The following PDGFC variants were observed in gnomAD, a reference collection of about 807,000 sequenced individuals.
The protein encoded by PDGFC is platelet derived growth factor C, also known as platelet-derived growth factor C.
Under a neutral mutation model 35.5 loss-of-function variants are expected in PDGFC, and 12 were observed. The ratio of observed to expected loss-of-function variants is 0.34; its 90% confidence interval spans 0.22 to 0.55. The LOEUF (loss-of-function observed/expected upper bound fraction) is 0.55. PDGFC is among the 20% of genes least tolerant of loss of function. PDGFC has a pLI of 0.91. For synonymous variants in PDGFC, 159 were observed against 148.8 expected (o/e 1.07, Z -0.50); for missense variants, 322 against 412.4 (o/e 0.78, Z 1.90).
intron 1 of PDGFC, among the ~76,000 whole-genome samples, chr4:156,911,526 CTTA>C (rs1731040451): frequency 6.6e-6 from 1 of 151,970 alleles, no homozygotes; most frequent in African/African-American, 2.4e-5. Flanking sequence ...TTGTGCAGGG[CTTA>C]TTATATATAC....
At chr4:156,788,663 G>C (rs1292752084) in intron 3 of PDGFC, among the ~76,000 whole-genome samples, 2 of 152,194 alleles carry the variant, frequency 1.3e-5, no homozygotes, top group Admixed American at 6.5e-5. Flanking sequence ...TTCAGTGTAA[G>C]CAGTAGAGTT....
In PDGFC at chr4:156,811,021, C is replaced by A; in HGVS notation, c.315-4G>T. 3.2e-6 allele frequency: 5 copies of A among 1,545,724 alleles called. No individual in the cohort carries two copies. Among genetic ancestry groups the A allele is most frequent in the Non-Finnish European group, 4.4e-6 (5 of 1,144,810 alleles). ...CTCAACTTCTACAAAATCATACCTG[C>A]AAAAAGACAAAGGGAAAGAGACATC... On this transcript the variant is annotated splice_region_variant and splice_polypyrimidine_tract_variant and intron_variant, in intron 2 of 5. Coordinates refer to ENST00000502773, the MANE Select transcript of PDGFC (RefSeq NM_016205.3).
Position 156,829,704 on chromosome 4 carries a change from T to C in PDGFC, c.315-18687A>G, listed in dbSNP as rs1280130585. Among the ~76,000 whole-genome samples, 6 of 152,236 alleles carry C rather than the reference T, an allele frequency of 3.9e-5. No individual in the cohort carries two copies. In the South Asian group the frequency reaches 1.2e-3, roughly 32 times the overall value. ...ACTTCATTTCCTCTTTTGTTACAGA[T>C]GTTATTTCTTAGATTTTTCTCTCCT... On this transcript the variant is annotated intron_variant, in intron 2 of 5. Coordinates refer to ENST00000502773, the MANE Select transcript of PDGFC (RefSeq NM_016205.3).
At chr4:156,872,795 A>G (rs1730017259) in intron 1 of PDGFC, among the ~76,000 whole-genome samples, 1 of 152,180 alleles carries the variant, frequency 6.6e-6, no homozygotes, top group Non-Finnish European at 1.5e-5. Flanking sequence ...GGAAATTAAA[A>G]ATTTATTTGT....
At chr4:156,908,878 A>G (rs1465334420) in intron 1 of PDGFC, among the ~76,000 whole-genome samples, 1 of 152,192 alleles carries the variant, frequency 6.6e-6, no homozygotes, top group East Asian at 1.9e-4. Context: ...TGGCATATGT[A>G]TACAAGAAAC....
At chr4:156,968,214 A>G (rs1305312516) in intron 1 of PDGFC, among the ~76,000 whole-genome samples, 1 of 152,218 alleles carries the variant, frequency 6.6e-6, no homozygotes, top group East Asian at 1.9e-4. Flanking sequence ...TAGGGACTTT[A>G]GAATACTCAA....
Position 156,970,994 on chromosome 4 carries a change from A to G in PDGFC, c.-91T>C. On this transcript the variant is annotated 5_prime_UTR_variant, in exon 1 of 6. Transcript: ENST00000502773. ...TTCACCACCGCCAGGGGAAGGCTGC[A>G]CTGGGGTGGAAGCGCCGAGCCTGCT... 1 of 796,970 alleles carries G rather than the reference A, an allele frequency of 1.3e-6. No individual in the cohort carries two copies. The highest frequency in any genetic ancestry group is 2.5e-5 in the East Asian group (1 of 40,274). The allele number at this position is 796,970 out of a possible 1,614,324, so 49.4% of individuals were successfully genotyped here.
At chr4:156,834,885 T>A (rs1341194943) in intron 2 of PDGFC, among the ~76,000 whole-genome samples, 2 of 152,088 alleles carry the variant, frequency 1.3e-5, no homozygotes, top group African/African-American at 4.8e-5. Context: ...ATGAGCAATT[T>A]TTCATGGTCT....
At chr4:156,833,024 T>C (rs1357473532) in intron 2 of PDGFC, among the ~76,000 whole-genome samples, 1 of 152,198 alleles carries the variant, frequency 6.6e-6, no homozygotes, top group Non-Finnish European at 1.5e-5. Flanking sequence ...TGAAATCAGA[T>C]TTTGAGTCAT....
intron 2 of PDGFC, among the ~76,000 whole-genome samples, chr4:156,815,272 ATAAC>A (rs1197705483): frequency 6.6e-6 from 1 of 151,782 alleles, no homozygotes; most frequent in Non-Finnish European, 1.5e-5. Flanking sequence ...GTCACACACA[ATAAC>A]TATTAAGACA....
chr4:156,803,201 ACTGAGAGGAGATTTACACAAT>A (rs1160523987), intron 3 of PDGFC, among the ~76,000 whole-genome samples: 1 of 152,128 alleles, frequency 6.6e-6, no homozygotes, highest in Non-Finnish European at 1.5e-5. Flanking sequence ...GTCTGAGTGT[ACTGAGAGGAGATTTACACAAT>A]CTGAGGAACA....
chr4:156,860,552 C>T (rs940193279), intron 1 of PDGFC, among the ~76,000 whole-genome samples: 1 of 151,936 alleles, frequency 6.6e-6, no homozygotes, highest in African/African-American at 2.4e-5. Context: ...AAACACCTGA[C>T]ACGGGGCGCG....
intron 3 of PDGFC, among the ~76,000 whole-genome samples, chr4:156,796,938 A>T (rs1731459066): frequency 1.3e-5 from 2 of 152,120 alleles, no homozygotes; most frequent in Non-Finnish European, 1.5e-5. Context: ...GACAAAGAAG[A>T]AAGTATTAAA....
chr4:156,808,860 G>C (rs1304200279), intron 3 of PDGFC, among the ~76,000 whole-genome samples: 1 of 151,988 alleles, frequency 6.6e-6, no homozygotes, highest in Non-Finnish European at 1.5e-5. Context: ...GACGGCTGAA[G>C]AAATGGCAGG....
chr4:156,824,295 T>TAG (rs1248561238), intron 2 of PDGFC, among the ~76,000 whole-genome samples: 3 of 33,258 alleles, frequency 9.0e-5, no homozygotes, highest in Admixed American at 4.7e-4. Context: ...CATATATATA[T>TAG]ATATATATAT....
At position 156,761,579 on chromosome 4, in the gene PDGFC, T is replaced by G. The variant is rs1340274389; in HGVS notation, c.*1511A>C. Reference sequence around the variant, plus strand: ...AATTTTATCTTTCATTTTCTCAGAGTCCAAGAAATAAATCTTGAGCACACA... The same window carrying G: ...AATTTTATCTTTCATTTTCTCAGAGGCCAAGAAATAAATCTTGAGCACACA... On this transcript the variant is annotated 3_prime_UTR_variant, in exon 6 of 6. Coordinates refer to ENST00000502773, the MANE Select transcript of PDGFC (RefSeq NM_016205.3). 2 of 152,444 alleles carry G rather than the reference T, an allele frequency of 1.3e-5. No individual in the cohort carries two copies. 9.4% of individuals were successfully genotyped at this position (152,444 alleles called of 1,614,324 possible). A position where few individuals can be genotyped will look rare whatever the true frequency, so the allele number is the denominator to read the frequency against.
intron 1 of PDGFC, among the ~76,000 whole-genome samples, chr4:156,943,839 G>A (rs554783190): frequency 1.2e-4 from 19 of 152,190 alleles, no homozygotes; most frequent in Admixed American, 3.9e-4. Flanking sequence ...GAATAAACCA[G>A]AATTTAAACC....
chr4:156,893,410 G>T (rs947329017), intron 1 of PDGFC, among the ~76,000 whole-genome samples: 4 of 151,854 alleles, frequency 2.6e-5, no homozygotes, highest in Admixed American at 6.6e-5. Context: ...ACACACTGCA[G>T]CCTCTAACTC....
rs536821060 is a variant in PDGFC, at chr4:156,762,757, G to A, written c.*333C>T. The A allele has an allele frequency of 1.8e-4, 34 of 189,956 alleles. No individual in the cohort carries two copies. The highest frequency in any genetic ancestry group is 7.2e-4 in the African/African-American group (31 of 43,156). 11.8% of individuals were successfully genotyped at this position (189,956 alleles called of 1,614,324 possible). On this transcript the variant is annotated 3_prime_UTR_variant, in exon 6 of 6. Transcript: ENST00000502773. ...TCCTGTACTGACATTACCCTAAGCCGTATCGAAAGAACTGAAATACAGAAC... is the reference window on the plus strand; with the variant it reads ...TCCTGTACTGACATTACCCTAAGCCATATCGAAAGAACTGAAATACAGAAC...
Sources: allele counts gnomAD v4.1 joint callset (sites outside exome capture counted in the v4.1 genomes callset), GRCh38; gene constraint gnomAD v4.1.1; transcripts MANE v1.5; gene names NCBI Gene and HGNC (gene_info 2026-07-23, HGNC 2026-07-21).